The following FBXL20 variants were observed in gnomAD, a reference collection of about 807,000 sequenced individuals.
FBXL20 encodes the protein F-box and leucine rich repeat protein 20.
In FBXL20, 11 loss-of-function variants were observed where a neutral mutation model predicts 64.0. The ratio of observed to expected loss-of-function variants is 0.17; its 90% CI spans 0.11 to 0.28. FBXL20 has a LOEUF of 0.28. Ranked by LOEUF, FBXL20 falls within the 10% of genes least tolerant of loss-of-function variation. The pLI is 1.00. For missense variants in FBXL20, 303 were observed against 526.2 expected (o/e 0.58, Z 4.15); for synonymous variants, 184 against 189.0 (o/e 0.97, Z 0.22).
chr17:39,401,760 G>T (rs538195619), upstream of FBXL20: 1 of 1,063,010 alleles, frequency 9.4e-7, no homozygotes, highest in Non-Finnish European at 1.1e-6. Flanking sequence ...CGGCGGCGGC[G>T]GCGCGAGACC....
At position 39,258,675 on chromosome 17, in the gene FBXL20, C is replaced by G. The variant is rs1040815538; in HGVS notation, c.*2785G>C. 2.6e-5 allele frequency: 4 copies of G among 152,306 alleles called. No individual in the cohort carries two copies. The highest frequency in any genetic ancestry group is 3.4e-3 in the Middle Eastern group (1 of 294). The allele number at this position is 152,306 out of a possible 1,614,324, so 9.4% of individuals were successfully genotyped here. A position where few individuals can be genotyped will look rare whatever the true frequency, so the allele number is the denominator to read the frequency against. On this transcript the variant is annotated 3_prime_UTR_variant, in exon 15 of 15. Coordinates refer to ENST00000264658, the MANE Select transcript of FBXL20 (RefSeq NM_032875.3). ...TTTAAGTAAAGAAGTACCTTAATAG[C>G]CTCAACTTAGGCAACTCAAATCCAC...
chr17:39,324,008 A>ACCCCCCCCCCCCCC (rs138382317), intron 2 of FBXL20, among the ~76,000 whole-genome samples: 1 of 129,040 alleles, frequency 7.7e-6, no homozygotes, highest in African/African-American at 3.4e-5. Context: ...TCGTGATCCA[A>ACCCCCCCCCCCCCC]CCCCCTCCCC....
At chr17:39,342,577 C>A (rs995048522) in intron 2 of FBXL20, among the ~76,000 whole-genome samples, 9 of 152,154 alleles carry the variant, frequency 5.9e-5, no homozygotes, top group Non-Finnish European at 1.3e-4. Context: ...ATTAGCCAGG[C>A]ATGGTGGCGG....
intron 4 of FBXL20, among the ~76,000 whole-genome samples, chr17:39,300,112 C>T (rs1291469919): frequency 6.6e-6 from 1 of 152,152 alleles, no homozygotes; most frequent in Non-Finnish European, 1.5e-5. Flanking sequence ...CAAACAAAAA[C>T]AAAAGCTTGC....
chr17:39,388,966 T>C (rs1043813265), intron 1 of FBXL20, among the ~76,000 whole-genome samples: 1 of 150,400 alleles, frequency 6.6e-6, no homozygotes, highest in African/African-American at 2.4e-5. Context: ...TACCTGGGCA[T>C]GGTGGCAGGC....
At chr17:39,326,258 G>A (rs1013288779) in intron 2 of FBXL20, among the ~76,000 whole-genome samples, 2 of 151,830 alleles carry the variant, frequency 1.3e-5, no homozygotes, top group Non-Finnish European at 2.9e-5. Context: ...TTTAATTATG[G>A]CAATGCAAAC....
intron 2 of FBXL20, among the ~76,000 whole-genome samples, chr17:39,314,579 TG>T (rs1303502645): frequency 6.6e-6 from 1 of 152,120 alleles, no homozygotes; most frequent in Non-Finnish European, 1.5e-5. Flanking sequence ...CAGGCTGATC[TG>T]GAACTCCCAA....
At chr17:39,388,055 CCATT>C (rs2048099475) in intron 1 of FBXL20, among the ~76,000 whole-genome samples, 1 of 152,032 alleles carries the variant, frequency 6.6e-6, no homozygotes, top group South Asian at 2.1e-4. Flanking sequence ...CTTCAGAACG[CCATT>C]TATTGAGACC....
chr17:39,400,870 G>A (rs2048234796), intron 1 of FBXL20, among the ~76,000 whole-genome samples: 1 of 152,216 alleles, frequency 6.6e-6, no homozygotes, highest in African/African-American at 2.4e-5. Context: ...ACCCGTGGTA[G>A]CCTCTATCAT....
intron 2 of FBXL20, among the ~76,000 whole-genome samples, chr17:39,322,647 G>A (rs926450729): frequency 2.6e-5 from 4 of 152,126 alleles, no homozygotes; most frequent in African/African-American, 7.2e-5. Flanking sequence ...TGGGGGTTGT[G>A]AGAATTCTCT....
At chr17:39,392,184 A>C (rs1167800175) in intron 1 of FBXL20, among the ~76,000 whole-genome samples, 1 of 152,152 alleles carries the variant, frequency 6.6e-6, no homozygotes, top group Non-Finnish European at 1.5e-5. Context: ...TCATGCCTAT[A>C]ATCCCAGCAC....
In FBXL20 at chr17:39,264,156, G is replaced by C. The variant is rs769944466; in HGVS notation, c.1203+19C>G. On this transcript the variant is annotated intron_variant, in intron 14 of 14. Transcript: ENST00000264658. Reference sequence around the variant, plus strand: ...GTGCTGCTAACACTAGAGTTGGAGAGTTATGTAGCCATTTTTACCCTGAGT... The same window carrying C: ...GTGCTGCTAACACTAGAGTTGGAGACTTATGTAGCCATTTTTACCCTGAGT... The C allele has an allele frequency of 2.4e-5, 38 of 1,612,292 alleles. No homozygotes were observed. The highest frequency in any genetic ancestry group is 3.1e-5 in the Non-Finnish European group (36 of 1,178,468).
At chr17:39,290,321 C>T (rs569671471) in intron 6 of FBXL20, among the ~76,000 whole-genome samples, 4 of 152,042 alleles carry the variant, frequency 2.6e-5, no homozygotes, top group Admixed American at 2.6e-4. Context: ...TGACAGATTC[C>T]ATGGACTTTC....
intron 1 of FBXL20, among the ~76,000 whole-genome samples, chr17:39,343,472 G>A (rs1298893412): frequency 6.6e-6 from 1 of 152,154 alleles, no homozygotes; most frequent in Non-Finnish European, 1.5e-5. Flanking sequence ...TACATTACGT[G>A]CCAGATACTG....
chr17:39,292,603 G>A (rs546644890), intron 6 of FBXL20, among the ~76,000 whole-genome samples: 1 of 150,326 alleles, frequency 6.7e-6, no homozygotes, highest in Non-Finnish European at 1.5e-5. Context: ...TTCTATTTCA[G>A]TCACTTCTGG....
chr17:39,383,136 C>A (rs1169454984), intron 1 of FBXL20, among the ~76,000 whole-genome samples: 1 of 145,534 alleles, frequency 6.9e-6, no homozygotes. Context: ...GCACTCCAGC[C>A]TGGCAACAGA....
In FBXL20 at chr17:39,252,787, T is replaced by C; in HGVS notation, c.*8673A>G. 6.7e-6 allele frequency: 1 copy of C among 149,040 alleles called. No homozygotes were observed. Among genetic ancestry groups the C allele is most frequent in the Non-Finnish European group, 1.5e-5 (1 of 67,214 alleles). 9.2% of individuals were successfully genotyped at this position (149,040 alleles called of 1,614,324 possible). ...AAAAACTTTTTTTTTTTTTTTTTAGTCCAAAGATTTTTAAAGCAAAAGGAA... is the reference window on the plus strand; with the variant it reads ...AAAAACTTTTTTTTTTTTTTTTTAGCCCAAAGATTTTTAAAGCAAAAGGAA... On this transcript the variant is annotated 3_prime_UTR_variant, in exon 15 of 15. Coordinates refer to ENST00000264658, the MANE Select transcript of FBXL20 (RefSeq NM_032875.3).
intron 1 of FBXL20, among the ~76,000 whole-genome samples, chr17:39,352,490 G>C (rs1390877642): frequency 1.3e-5 from 2 of 152,018 alleles, no homozygotes; most frequent in Non-Finnish European, 2.9e-5. Context: ...GACCAGACTG[G>C]CCAACATGGT....
At chr17:39,330,543 A>G (rs994856854) in intron 2 of FBXL20, among the ~76,000 whole-genome samples, 4 of 151,968 alleles carry the variant, frequency 2.6e-5, no homozygotes, top group African/African-American at 7.3e-5. Context: ...GAACCTGGGA[A>G]GCGGAGGTTG....
Sources: gnomAD v4.1 joint callset for allele counts (sites outside exome capture counted in the v4.1 genomes callset) on GRCh38, gnomAD v4.1.1 for gene constraint, MANE v1.5 for transcripts, NCBI Gene and HGNC (gene_info 2026-07-23, HGNC 2026-07-21) for gene names.